THSD4: variants seen among roughly 807,000 people sequenced by gnomAD.
THSD4 encodes the protein thrombospondin type 1 domain containing 4, also known as thrombospondin type-1 domain-containing protein 4.
A neutral mutation model predicts 119.0 loss-of-function variants in THSD4; 69 were observed. That is an observed-to-expected ratio of 0.58 (90% CI 0.48 to 0.71). The LOEUF (loss-of-function observed/expected upper bound fraction) is 0.71. Ranked by LOEUF, THSD4 falls within the 30% of genes least tolerant of loss-of-function variation. The pLI, the probability that THSD4 is intolerant of heterozygous loss-of-function variation, is 0.00. For synonymous variants in THSD4, 524 were observed against 540.4 expected, an observed-to-expected ratio of 0.97 and a Z score of 0.42; for missense variants, 1,393 against 1,391.1, an observed-to-expected ratio of 1.00 and a Z score of -0.02.
At chr15:71,504,294 T>A (rs2048157329) in intron 7 of THSD4, among the ~76,000 whole-genome samples, 1 of 152,092 alleles carries the variant, frequency 6.6e-6, no homozygotes. Flanking sequence ...GTTGAAGAAA[T>A]CCATGAGGGA....
chr15:71,141,779 A>G (rs146586890), intron 2 of THSD4, among the ~76,000 whole-genome samples: 76 of 152,268 alleles, frequency 5.0e-4, no homozygotes, highest in African/African-American at 1.8e-3. Flanking sequence ...TCAATCTACT[A>G]TCTTCTGGGA....
intron 6 of THSD4, among the ~76,000 whole-genome samples, chr15:71,353,260 A>G (rs1024469651): frequency 6.6e-6 from 1 of 152,198 alleles, no homozygotes; most frequent in Admixed American, 6.5e-5. Flanking sequence ...GAGGAACATA[A>G]AATCTGTATG....
At position 71,154,099 on chromosome 15, in the gene THSD4, G is replaced by A. The variant is rs568734884; in HGVS notation, c.30-764G>A. On this transcript the variant is annotated intron_variant, in intron 2 of 17. Transcript: ENST00000261862. ...GTGTTTTACCTCTGTCATATTCAGT[G>A]ATCCTCACAGAAGGTGAGAATGTTT... 5.3e-5 allele frequency among the ~76,000 whole-genome samples: 8 copies of A among 152,266 alleles called. No individual in the cohort carries two copies. The South Asian group carries it at 1.2e-3, about 24-fold the overall frequency.
chr15:71,341,296 G>T (rs780879748), intron 6 of THSD4: 13 of 1,599,994 alleles, frequency 8.1e-6, no homozygotes, highest in Non-Finnish European at 1.1e-5. Flanking sequence ...GAGAGCTCAT[G>T]TATGGGTTAA....
At chr15:71,120,863 T>C (rs559599038) in intron 1 of THSD4, among the ~76,000 whole-genome samples, 1 of 152,316 alleles carries the variant, frequency 6.6e-6, no homozygotes, top group South Asian at 2.1e-4. Context: ...AGGCATCTGA[T>C]GAAAGGGGGC....
chr15:71,182,883 T>G (rs1329720683), intron 3 of THSD4, among the ~76,000 whole-genome samples: 1 of 151,818 alleles, frequency 6.6e-6, no homozygotes, highest in African/African-American at 2.4e-5. Flanking sequence ...CAGAAGTCAA[T>G]GTCCTTTTGT....
intron 6 of THSD4, among the ~76,000 whole-genome samples, chr15:71,364,622 A>G (rs73437574): frequency 1.4e-3 from 210 of 152,350 alleles, no homozygotes; most frequent in African/African-American, 4.9e-3. Context: ...CTGTGTGTCA[A>G]TTCCTAATGG....
In THSD4 at chr15:71,258,425, C is replaced by T. The variant is rs565948534; in HGVS notation, c.1015+1710C>T. On this transcript the variant is annotated intron_variant, in intron 6 of 17. Coordinates refer to ENST00000261862, the MANE Select transcript of THSD4 (RefSeq NM_024817.3). Reference sequence around the variant, plus strand: ...AACTCCTGATCTCAAGTGATCCACCCGCCTCAGCCTCCCAAAGTACTGGGA... The same window carrying T: ...AACTCCTGATCTCAAGTGATCCACCTGCCTCAGCCTCCCAAAGTACTGGGA... Among the ~76,000 whole-genome samples the T allele has an allele frequency of 1.4e-4, 22 of 152,196 alleles. No homozygotes were observed. In the South Asian group the frequency reaches 2.7e-3, roughly 19 times the overall value.
At chr15:71,342,183 T>G (rs1161630784) in intron 6 of THSD4, 3 of 188,080 alleles carry the variant, frequency 1.6e-5, no homozygotes, top group African/African-American at 2.4e-5. Context: ...TAACATCTAC[T>G]AAATCCCATT....
intron 6 of THSD4, among the ~76,000 whole-genome samples, chr15:71,279,075 G>A (rs7175127): frequency 0.27 from 41,285 of 151,984 alleles, 6,076 homozygotes; most frequent in East Asian, 0.53. Flanking sequence ...GAAACTTTGA[G>A]TACATCAGTA....
intron 6 of THSD4, among the ~76,000 whole-genome samples, chr15:71,319,078 A>T (rs369072193): frequency 6.6e-6 from 1 of 152,222 alleles, no homozygotes; most frequent in African/African-American, 2.4e-5. Flanking sequence ...TGTGCTGGAC[A>T]TTGGTGCTTG....
At chr15:71,208,745 C>T (rs528872225) in intron 3 of THSD4, among the ~76,000 whole-genome samples, 157 of 152,198 alleles carry the variant, frequency 1.0e-3, no homozygotes, top group African/African-American at 3.7e-3. Flanking sequence ...CGCCTGACCT[C>T]AAATTATCCA....
intron 6 of THSD4, among the ~76,000 whole-genome samples, chr15:71,282,621 C>T (rs2044666806): frequency 6.6e-6 from 1 of 152,132 alleles, no homozygotes; most frequent in African/African-American, 2.4e-5. Context: ...ACTTTCCCAC[C>T]ATTCCACTTT....
chr15:71,253,628 G>A (rs1049311453), intron 5 of THSD4, among the ~76,000 whole-genome samples: 6 of 151,960 alleles, frequency 3.9e-5, no homozygotes, highest in Non-Finnish European at 7.4e-5. Flanking sequence ...GGCTGGTCTC[G>A]AAATCCAGAC....
intron 8 of THSD4, among the ~76,000 whole-genome samples, chr15:71,685,585 A>G (rs1441685380): frequency 2.6e-5 from 4 of 152,156 alleles, no homozygotes; most frequent in Admixed American, 6.5e-5. Flanking sequence ...CTGGATTCTC[A>G]TATCTGCTTC....
At chr15:71,591,741 G>A (rs200956647) in intron 7 of THSD4, among the ~76,000 whole-genome samples, 47 of 145,002 alleles carry the variant, frequency 3.2e-4, no homozygotes, top group Admixed American at 4.1e-4. Flanking sequence ...TTTTTTTTTA[G>A]AAAAAAAAAA....
intron 8 of THSD4, among the ~76,000 whole-genome samples, chr15:71,694,312 T>TA (rs1170714597): frequency 6.6e-6 from 1 of 152,224 alleles, no homozygotes; most frequent in Non-Finnish European, 1.5e-5. Flanking sequence ...TATCCCAAAA[T>TA]ATAGATTTGG....
intron 7 of THSD4, among the ~76,000 whole-genome samples, chr15:71,525,882 C>G (rs548158631): frequency 6.6e-6 from 1 of 152,186 alleles, no homozygotes; most frequent in Non-Finnish European, 1.5e-5. Context: ...TTCCCATTCC[C>G]TGTAGAACCT....
At chr15:71,542,283 G>A (rs991244027) in intron 7 of THSD4, among the ~76,000 whole-genome samples, 3 of 152,060 alleles carry the variant, frequency 2.0e-5, no homozygotes, top group Non-Finnish European at 4.4e-5. Context: ...AATTTGTGAT[G>A]GTTTTAACAT....
Sources: gnomAD v4.1 joint callset for allele counts (sites outside exome capture counted in the v4.1 genomes callset) on GRCh38, gnomAD v4.1.1 for gene constraint, MANE v1.5 for transcripts, NCBI Gene and HGNC (gene_info 2026-07-23, HGNC 2026-07-21) for gene names.